Variants in UBXN11 observed in about 807,000 individuals in gnomAD.
UBXN11 encodes the protein UBX domain protein 11, also known as UBX domain-containing protein 11.
UBXN11 carries 47 observed loss-of-function variants against 62.8 expected under a neutral mutation model. The ratio of observed to expected loss-of-function variants is 0.75; its 90% CI spans 0.59 to 0.95. The LOEUF is 0.95. Among genes scored for constraint, UBXN11 ranks in the 40% least tolerant of loss-of-function variants. The pLI is 0.00. For synonymous variants in UBXN11, 294 were observed against 267.0 expected, an observed-to-expected ratio of 1.10 and a Z score of -0.99; for missense variants, 638 against 661.7, an observed-to-expected ratio of 0.96 and a Z score of 0.39.
rs752734270 is a variant in UBXN11, at chr1:26,282,866, C to T, written c.1149G>A (p.Glu383=). 6.2e-7 allele frequency: 1 copy of T among 1,613,260 alleles called. No homozygotes were observed. The highest frequency in any genetic ancestry group is 2.2e-5 in the East Asian group (1 of 44,882). ...VETPTLAAER[E]RSQESPNTPA... Reference sequence around the variant, plus strand: ...TCACCTCCTCATCCCGCCCTCACCTCTCTCGCTCAGCGGCCAAGGTGGGCG... The same window carrying T: ...TCACCTCCTCATCCCGCCCTCACCTTTCTCGCTCAGCGGCCAAGGTGGGCG... The change falls in exon 13 of 15, where the codon GAG becomes GAA. Residue 383 remains glutamate (E), a splice_region_variant and synonymous_variant. Transcript: ENST00000374222.
Position 26,285,876 on chromosome 1 carries a change from C to A in UBXN11, c.721G>T (p.Gly241Cys). ...EPIPLKLYRN[G>C]IMMFDGPFQP... ...AAGGGCCCGTCGAACATCATGATGC[C>A]ATTCCGGTAGAGCTTCAGCGGGATG... The change falls in exon 9 of 15, where the codon GGC becomes TGC. Residue 241 changes from glycine to cysteine, a missense_variant. By Grantham distance (159) the Gly-to-Cys change is radical. Coordinates refer to ENST00000374222, the MANE Select transcript of UBXN11 (RefSeq NM_001389556.1). 6.2e-7 allele frequency: 1 copy of A among 1,612,784 alleles called. No homozygotes were observed. Among genetic ancestry groups the A allele is most frequent in the East Asian group, 2.2e-5 (1 of 44,828 alleles).
intron 1 of UBXN11, among the ~76,000 whole-genome samples, chr1:26,313,549 C>A (rs2124681942): frequency 6.6e-6 from 1 of 152,274 alleles, no homozygotes; most frequent in Admixed American, 6.5e-5. Flanking sequence ...GGGACCATGT[C>A]TTTATGTCAC....
At position 26,294,196 on chromosome 1, in the gene UBXN11, C is replaced by T. The variant is rs1455095246; in HGVS notation, c.559+9G>A. 1 of 1,613,816 alleles carries T rather than the reference C, an allele frequency of 6.2e-7. No homozygotes were observed. Among genetic ancestry groups the T allele is most frequent in the African/African-American group, 1.3e-5 (1 of 75,058 alleles). ...TTGAAGAGGGCCTGGGGCAGACGCC[C>T]TGCTCTACCTGGCTTCCAGAACTTC... On this transcript the variant is annotated intron_variant, in intron 8 of 14. Transcript: ENST00000374222.
intron 1 of UBXN11, among the ~76,000 whole-genome samples, chr1:26,315,486 A>G (rs1266759119): frequency 2.0e-5 from 3 of 152,152 alleles, no homozygotes; most frequent in South Asian, 2.1e-4. Context: ...AGGCACACCA[A>G]AGACAGCTGA....
chr1:26,304,504 A>G (rs1031083690), intron 1 of UBXN11, among the ~76,000 whole-genome samples: 9 of 152,088 alleles, frequency 5.9e-5, no homozygotes, highest in Non-Finnish European at 1.3e-4. Flanking sequence ...TATAATCCCA[A>G]CACTTTGGGA....
chr1:26,303,023 C>T (rs1169985508), intron 1 of UBXN11, 105 bp from the exon 2 acceptor site: 4 of 717,212 alleles, frequency 5.6e-6, no homozygotes, highest in African/African-American at 1.8e-5. Flanking sequence ...TAATGGGAAG[C>T]GCTGTCTAGG....
At chr1:26,295,562 A>G (rs568044696) in intron 7 of UBXN11, among the ~76,000 whole-genome samples, 7 of 151,978 alleles carry the variant, frequency 4.6e-5, no homozygotes, top group Non-Finnish European at 7.4e-5. Context: ...TCCTCCACAC[A>G]GCCACCGACC....
At chr1:26,306,045 G>A (rs567897084) in intron 1 of UBXN11, among the ~76,000 whole-genome samples, 1 of 152,294 alleles carries the variant, frequency 6.6e-6, no homozygotes, top group East Asian at 1.9e-4. Context: ...GCATTTCCCT[G>A]TCCGTTTGGG....
chr1:26,289,248 C>G (rs956225338), intron 8 of UBXN11, among the ~76,000 whole-genome samples: 3 of 152,142 alleles, frequency 2.0e-5, no homozygotes, highest in Non-Finnish European at 2.9e-5. Flanking sequence ...CACAGGGCTG[C>G]TGTGAGGCTT....
intron 8 of UBXN11, among the ~76,000 whole-genome samples, chr1:26,289,304 G>A (rs928606438): frequency 1.3e-5 from 2 of 152,172 alleles, no homozygotes; most frequent in African/African-American, 4.8e-5. Flanking sequence ...CCCTAGCACC[G>A]CCTACTCATC....
At chr1:26,313,181 T>G (rs2073760879) in intron 1 of UBXN11, among the ~76,000 whole-genome samples, 1 of 151,852 alleles carries the variant, frequency 6.6e-6, no homozygotes, top group African/African-American at 2.4e-5. Flanking sequence ...CTCTTCTCCT[T>G]CCTCCCTCCC....
intron 4 of UBXN11, among the ~76,000 whole-genome samples, chr1:26,299,121 G>A (rs2073465876): frequency 6.6e-6 from 1 of 152,098 alleles, no homozygotes; most frequent in Non-Finnish European, 1.5e-5. Context: ...CATCTTAATT[G>A]ACAAACATTT....
chr1:26,303,848 G>A lies in UBXN11; in HGVS notation c.-35-930C>T, dbSNP rs1433365305. The stretch of plus-strand genomic sequence containing the variant: ...AGGAAGCACTGAAAAATGTGAGTTG[G>A]GGCTGCTGTTGTTTTTGCTGTTGCT... On this transcript the variant is annotated intron_variant, in intron 1 of 14. Coordinates refer to ENST00000374222, the MANE Select transcript of UBXN11 (RefSeq NM_001389556.1). Among the ~76,000 whole-genome samples the A allele has an allele frequency of 2.6e-5, 4 of 152,076 alleles. No homozygotes were observed. In the East Asian group the frequency reaches 5.8e-4, roughly 22 times the overall value.
chr1:26,294,245 G>C lies in UBXN11; in HGVS notation c.519C>G (p.Gly173=), dbSNP rs375791030. ...TCTTGGCTGTCATCCAGTCCCTCTC[G>C]CCATGCTCTGAGACTGTCTTGCTCT... ...DSESKTVSEH[G]ERDWMTAKKF... Residue 173 remains glycine (G), a synonymous_variant, in exon 8 of 15, where the codon GGC becomes GGG. Coordinates refer to ENST00000374222, the MANE Select transcript of UBXN11 (RefSeq NM_001389556.1). The C allele has an allele frequency of 1.2e-6, 2 of 1,614,126 alleles. No individual in the cohort carries two copies. The highest frequency in any genetic ancestry group is 2.2e-5 in the East Asian group (1 of 44,882).
intron 12 of UBXN11, 113 bp from the exon 13 acceptor site, chr1:26,283,050 C>T (rs1002771529): frequency 1.1e-5 from 15 of 1,366,236 alleles, no homozygotes; most frequent in Admixed American, 1.8e-5. Context: ...GTGAGCAAAG[C>T]GGGAGGGGGT....
intron 10 of UBXN11, chr1:26,285,227 C>T: frequency 7.6e-7 from 1 of 1,309,352 alleles, no homozygotes; most frequent in Non-Finnish European, 9.8e-7. Flanking sequence ...AAGGCAGGGG[C>T]CCCGCAGCCG....
chr1:26,292,188 C>T (rs1415729010), intron 8 of UBXN11, among the ~76,000 whole-genome samples: 4 of 152,190 alleles, frequency 2.6e-5, no homozygotes, highest in Non-Finnish European at 5.9e-5. Flanking sequence ...CTTTACCCAT[C>T]TGTGAAATGG....
rs2072998380 is a variant in UBXN11, at chr1:26,282,299, T to C, written c.1563A>G (p.Ter521=). 8 of 1,440,874 alleles carry C rather than the reference T, an allele frequency of 5.6e-6. No homozygotes were observed. Among genetic ancestry groups the C allele is most frequent in the African/African-American group, 1.6e-5 (1 of 64,226 alleles). The allele number at this position is 1,440,874 out of a possible 1,614,324, so 89.3% of individuals were successfully genotyped here. A position where few individuals can be genotyped will look rare whatever the true frequency, so the allele number is the denominator to read the frequency against. ...GCAGCGGGTTGAGGGGGCGGGTGCT[T>C]TATTGGGGGCTGGGACTGGGTCCAG... ...PCPGPSPSPQ[*] Residue 521 remains the stop codon, a stop_retained_variant, in exon 15 of 15, where the codon TAA becomes TAG. Coordinates refer to ENST00000374222, the MANE Select transcript of UBXN11 (RefSeq NM_001389556.1).
Position 26,283,460 on chromosome 1 carries a change from A to G in UBXN11, c.1078-523T>C, listed in dbSNP as rs117027174. Among the ~76,000 whole-genome samples, 34 of 152,308 alleles carry G rather than the reference A, an allele frequency of 2.2e-4. No homozygotes were observed. The East Asian group carries it at 5.6e-3, about 25-fold the overall frequency. On this transcript the variant is annotated intron_variant, in intron 12 of 14. Transcript: ENST00000374222. ...GGTGTGAGGAGGGGCCTGGCAATATAGGACGGGCCTTGAGTGCCAGCATAA... is the reference window on the plus strand; with the variant it reads ...GGTGTGAGGAGGGGCCTGGCAATATGGGACGGGCCTTGAGTGCCAGCATAA...
Sources: gnomAD v4.1 joint callset for allele counts (sites outside exome capture counted in the v4.1 genomes callset) on GRCh38, gnomAD v4.1.1 for gene constraint, MANE v1.5 for transcripts, NCBI Gene and HGNC (gene_info 2026-07-23, HGNC 2026-07-21) for gene names.